TENM1: variants seen among roughly 807,000 people sequenced by gnomAD.
The protein encoded by TENM1 is teneurin transmembrane protein 1.
A neutral mutation model predicts 174.8 loss-of-function variants in TENM1; 35 were observed. That is an observed-to-expected ratio of 0.20 (90% confidence interval 0.15 to 0.27). TENM1 has a LOEUF of 0.27. TENM1 is among the 10% of genes least tolerant of loss of function. The pLI, the probability that TENM1 is intolerant of heterozygous loss-of-function variation, is 1.00. For synonymous variants in TENM1, 781 were observed against 798.7 expected (o/e 0.98, Z 0.37); for missense variants, 1,633 against 2,130.1 (o/e 0.77, Z 4.59).
chrX:125,069,606 G>A, the TENM1 span, among the ~76,000 whole-genome samples: 1 of 110,060 alleles, frequency 9.1e-6, no homozygotes, highest in Non-Finnish European at 1.9e-5. Context: ...GTTGGGGGCT[G>A]GGAATACAGG....
chrX:124,730,858 G>T (rs2053549453), intron 4 of TENM1, among the ~76,000 whole-genome samples: 1 of 111,667 alleles, frequency 9.0e-6, no homozygotes, highest in Non-Finnish European at 1.9e-5. Flanking sequence ...ACCTTATAAG[G>T]CCCAAATCCC....
the TENM1 span, among the ~76,000 whole-genome samples, chrX:124,980,198 C>G: frequency 2.7e-5 from 3 of 110,278 alleles, no homozygotes; most frequent in Non-Finnish European, 5.7e-5. Flanking sequence ...ATAGCAAGAC[C>G]CCATCTTTAA....
In TENM1 at chrX:124,454,644, C is replaced by T. The variant is rs180923836; in HGVS notation, c.3950-1153G>A. Among the ~76,000 whole-genome samples, 3 of 111,660 alleles carry T rather than the reference C, an allele frequency of 2.7e-5. No individual in the cohort carries two copies. The East Asian group carries it at 8.4e-4, about 31-fold the overall frequency. On this transcript the variant is annotated intron_variant, in intron 22 of 31. Coordinates refer to ENST00000422452, the Ensembl canonical transcript of TENM1. ...GGTCTCGAACTGACCTCAGGTGATC[C>T]ACCTGCCTCGGCCTCCCAAAGTGGT...
At chrX:124,413,677 G>T (rs1297589920) in intron 25 of TENM1, among the ~76,000 whole-genome samples, 2 of 112,317 alleles carry the variant, frequency 1.8e-5, no homozygotes, top group African/African-American at 6.5e-5. Context: ...CACAAGGAGA[G>T]GTGACTGAGC....
At chrX:124,899,622 C>T (rs189249284) in intron 1 of TENM1, among the ~76,000 whole-genome samples, 89 of 111,732 alleles carry the variant, frequency 8.0e-4, no homozygotes, top group African/African-American at 2.7e-3. Context: ...GATTTATATT[C>T]CTCTGAGTAT....
chrX:124,510,013 C>T (rs1377455626), intron 18 of TENM1, among the ~76,000 whole-genome samples: 1 of 112,282 alleles, frequency 8.9e-6, no homozygotes, highest in East Asian at 2.8e-4. Context: ...CGTGAGCCAC[C>T]ATGCCCAGCC....
chrX:124,451,944 T>C (rs2061042062), intron 23 of TENM1, among the ~76,000 whole-genome samples: 1 of 111,843 alleles, frequency 8.9e-6, no homozygotes, highest in Non-Finnish European at 1.9e-5. Flanking sequence ...GGCAATACCA[T>C]TCAGGACATA....
chrX:124,483,276 T>C (rs2046883819), intron 21 of TENM1, among the ~76,000 whole-genome samples: 1 of 111,939 alleles, frequency 8.9e-6, no homozygotes, highest in Non-Finnish European at 1.9e-5. Context: ...TTATTTGCAT[T>C]ATCTTACCTC....
intron 1 of TENM1, among the ~76,000 whole-genome samples, chrX:124,940,301 G>T (rs1158192532): frequency 1.8e-5 from 2 of 111,702 alleles, no homozygotes; most frequent in Non-Finnish European, 3.8e-5. Context: ...AGATGGTCAA[G>T]AGCCTGTATG....
intron 5 of TENM1, among the ~76,000 whole-genome samples, chrX:124,699,683 TG>T: frequency 8.9e-6 from 1 of 112,102 alleles, no homozygotes; most frequent in East Asian, 2.8e-4. Flanking sequence ...TAATTTGGAT[TG>T]GATTTATACT....
At chrX:124,466,941 A>G (rs2061247427) in intron 22 of TENM1, among the ~76,000 whole-genome samples, 1 of 111,733 alleles carries the variant, frequency 8.9e-6, no homozygotes, top group Non-Finnish European at 1.9e-5. Context: ...AAGCAGACCT[A>G]TCAATCTATT....
At chrX:124,457,571 A>G (rs1267472597) in intron 22 of TENM1, among the ~76,000 whole-genome samples, 1 of 111,986 alleles carries the variant, frequency 8.9e-6, no homozygotes, top group Non-Finnish European at 1.9e-5. Flanking sequence ...TTTAGATGAC[A>G]ATTGCCTAAA....
chrX:125,162,808 C>T, the TENM1 span, among the ~76,000 whole-genome samples: 3 of 111,243 alleles, frequency 2.7e-5, no homozygotes, highest in Non-Finnish European at 5.7e-5. Context: ...TTTTCTAAAC[C>T]CAAATCTCAC....
At chrX:124,628,136 G>T (rs946936728) in intron 11 of TENM1, among the ~76,000 whole-genome samples, 46 of 111,648 alleles carry the variant, frequency 4.1e-4, no homozygotes, top group African/African-American at 1.5e-3. Flanking sequence ...TGCCAAAAAG[G>T]ATTGTTAGTC....
At chrX:125,053,382 A>T in the TENM1 span, among the ~76,000 whole-genome samples, 1 of 112,377 alleles carries the variant, frequency 8.9e-6, no homozygotes. Context: ...TTTGAAAAAA[A>T]ATTGGGAACT....
In TENM1 at chrX:124,883,076, CTGT is replaced by C. The variant is rs755497914; in HGVS notation, c.535+11217_535+11219del. Among the ~76,000 whole-genome samples, 158 of 111,734 alleles carry C rather than the reference CTGT, an allele frequency of 1.4e-3. 1 individual carries two copies. Among genetic ancestry groups the C allele is most frequent in the African/African-American group, 5.0e-3 (155 of 30,748 alleles). On this transcript the variant is annotated intron_variant, in intron 3 of 31. Coordinates refer to ENST00000422452, the Ensembl canonical transcript of TENM1. Reference sequence around the variant, plus strand: ...TCATAAATTATTTTTTCATTAGAATCTGTTGATAGATAATTATTGTGTTCTTTT... The same window carrying C: ...TCATAAATTATTTTTTCATTAGAATCTGATAGATAATTATTGTGTTCTTTT...
the TENM1 span, among the ~76,000 whole-genome samples, chrX:125,078,745 C>T: frequency 9.0e-6 from 1 of 111,402 alleles, no homozygotes; most frequent in East Asian, 2.8e-4. Context: ...AAGTGTATTG[C>T]TCGCATACCT....
At chrX:125,164,076 T>G in the TENM1 span, among the ~76,000 whole-genome samples, 1 of 111,944 alleles carries the variant, frequency 8.9e-6, no homozygotes, top group African/African-American at 3.2e-5. Context: ...AATAATGAGC[T>G]GATCTGGAGA....
At chrX:124,520,614 C>T in exon 18 of TENM1, 1 of 1,211,100 alleles carries the variant, frequency 8.3e-7, no homozygotes, top group Non-Finnish European at 1.1e-6. Flanking sequence ...GAAACCACTT[C>T]TGTGTGAGTC....
Sources: allele counts gnomAD v4.1 joint callset (sites outside exome capture counted in the v4.1 genomes callset), GRCh38; gene constraint gnomAD v4.1.1; transcripts MANE v1.5; gene names NCBI Gene and HGNC (gene_info 2026-07-23, HGNC 2026-07-21).